Variants in PML observed in about 807,000 individuals in gnomAD.
PML encodes PML nuclear body scaffold, also known as protein PML.
PML carries 28 observed loss-of-function variants against 65.2 expected under a neutral mutation model. That is an observed-to-expected ratio of 0.43 (90% CI 0.32 to 0.59). The LOEUF is 0.59. PML is among the 20% of genes least tolerant of loss of function. The pLI is 0.08. For synonymous variants in PML, 500 were observed against 508.8 expected (o/e 0.98, Z 0.23); for missense variants, 1,021 against 1,203.4 (o/e 0.85, Z 2.24).
Position 74,044,759 on chromosome 15 carries a change from A to G in PML, c.2400A>G (p.Leu800=). The change falls in exon 9 of 9, where the codon CTA becomes CTG. Residue 800 remains leucine (L), a synonymous_variant. Transcript: ENST00000268058. ...GGGCTGAGGCCCGCCTCCTGGCCCT[A>G]CACAACGTGAGCTTCATGGAGCTGC... ...LPRAEARLLA[L]HNVSFMELLS... 6.2e-7 allele frequency: 1 copy of G among 1,612,746 alleles called. No individual in the cohort carries two copies. Among genetic ancestry groups the G allele is most frequent in the Non-Finnish European group, 8.5e-7 (1 of 1,180,002 alleles).
intron 2 of PML, among the ~76,000 whole-genome samples, chr15:74,002,198 A>G (rs1379367617): frequency 7.2e-5 from 11 of 152,056 alleles, no homozygotes. Context: ...ATCTAAGACT[A>G]TATTGAGATT....
At chr15:74,012,179 GC>G (rs1326207333) in intron 2 of PML, among the ~76,000 whole-genome samples, 1 of 152,110 alleles carries the variant, frequency 6.6e-6, no homozygotes, top group African/African-American at 2.4e-5. Context: ...AGAGGTTGGA[GC>G]CATTTTGTTT....
At position 74,034,401 on chromosome 15, in the gene PML, C is replaced by T. The variant is rs113381350; in HGVS notation, c.1658-77C>T. ...CCCAGCCGACTGGCCTGCAAGGATT[C>T]CCATAGGTGCACACCCACACCCCTC... On this transcript the variant is annotated intron_variant, in intron 6 of 8. Transcript: ENST00000268058. 1.9e-6 allele frequency: 3 copies of T among 1,605,246 alleles called. No individual in the cohort carries two copies. The African/African-American group carries it at 4.0e-5, about 21-fold the overall frequency.
intron 6 of PML, chr15:74,033,860 T>C (rs910387076): frequency 1.5e-5 from 7 of 477,476 alleles, no homozygotes; most frequent in Admixed American, 1.1e-4. Context: ...AAGTATCTCA[T>C]TTGTCAGAGT....
At chr15:74,030,145 C>T (rs567968586) in intron 4 of PML, among the ~76,000 whole-genome samples, 1 of 152,276 alleles carries the variant, frequency 6.6e-6, no homozygotes, top group South Asian at 2.1e-4. Context: ...CCCCAGCTTG[C>T]CTGGGTGGTT....
chr15:74,033,202 C>T lies in PML; in HGVS notation c.1445C>T (p.Thr482Ile), dbSNP rs1252189977. The part of the protein sequence containing the change: ...TTAQKRKCSQ[T>I]QCPRKVIKME... ...GCCCAGAAGAGGAAGTGCAGCCAGACCCAGTGCCCCAGGAAGGTCATCAAG... is the reference window on the plus strand; with the variant it reads ...GCCCAGAAGAGGAAGTGCAGCCAGATCCAGTGCCCCAGGAAGGTCATCAAG... Residue 482 changes from threonine to isoleucine, a missense_variant, in exon 6 of 9, where the codon ACC becomes ATC. Transcript: ENST00000268058. The T allele has an allele frequency of 1.2e-6, 2 of 1,614,184 alleles. No individual in the cohort carries two copies. The highest frequency in any genetic ancestry group is 1.7e-4 in the Middle Eastern group (1 of 6,060).
At chr15:74,001,441 G>C (rs2069756845) in intron 2 of PML, among the ~76,000 whole-genome samples, 2 of 152,032 alleles carry the variant, frequency 1.3e-5, no homozygotes, top group South Asian at 4.2e-4. Flanking sequence ...CTGGGTTCAA[G>C]TGATTCTCCT....
chr15:74,011,440 T>C (rs1011957487), intron 2 of PML, among the ~76,000 whole-genome samples: 3 of 152,054 alleles, frequency 2.0e-5, no homozygotes, highest in Middle Eastern at 3.4e-3. Flanking sequence ...TAATACATCT[T>C]AGAAAAAATG....
At chr15:74,008,521 G>A (rs1266063102) in intron 2 of PML, among the ~76,000 whole-genome samples, 5 of 152,216 alleles carry the variant, frequency 3.3e-5, no homozygotes, top group African/African-American at 9.6e-5. Flanking sequence ...GGCAGATCAC[G>A]AGGTCAGGAG....
At chr15:74,009,137 G>A (rs1007664909) in intron 2 of PML, among the ~76,000 whole-genome samples, 3 of 152,212 alleles carry the variant, frequency 2.0e-5, no homozygotes, top group African/African-American at 7.2e-5. Flanking sequence ...CAAGCATGGT[G>A]TGGGTCTAGG....
intron 4 of PML, chr15:74,032,338 C>T (rs909440178): frequency 1.9e-5 from 11 of 567,782 alleles, no homozygotes; most frequent in African/African-American, 5.6e-5. Flanking sequence ...TCAAGACCAG[C>T]GTGGGCAACA....
At chr15:74,016,825 C>CT (rs2070608422) in intron 2 of PML, among the ~76,000 whole-genome samples, 1 of 35,158 alleles carries the variant, frequency 2.8e-5, no homozygotes, top group Admixed American at 3.8e-4. Context: ...GAGATGGAGT[C>CT]TCGCTCTGTC....
chr15:73,999,080 G>C (rs985479150), intron 2 of PML, among the ~76,000 whole-genome samples: 1 of 152,200 alleles, frequency 6.6e-6, no homozygotes, highest in African/African-American at 2.4e-5. Flanking sequence ...AAAGAGGAGA[G>C]AGAGAGTGCA....
chr15:74,043,925 G>C lies in PML; in HGVS notation c.1862-296G>C, dbSNP rs1014272386. Among the ~76,000 whole-genome samples the C allele has an allele frequency of 3.3e-4, 50 of 152,298 alleles. No individual in the cohort carries two copies. Among genetic ancestry groups the C allele is most frequent in the South Asian group, 1.2e-3 (6 of 4,832 alleles). ...GGTGGCTGAGGCTGATAGAAGACAG[G>C]AGGGACCTGTATCCATGGGGTTTGG... is the stretch of plus-strand genomic sequence containing the variant. On this transcript the variant is annotated intron_variant, in intron 8 of 8. Coordinates refer to ENST00000268058, the MANE Select transcript of PML (RefSeq NM_033238.3). This position sits in a 1 kb window ranked among gnomAD's most constrained non-coding sequence, Gnocchi z 4.3.
At chr15:74,015,651 G>T (rs994990261) in intron 2 of PML, among the ~76,000 whole-genome samples, 6 of 152,194 alleles carry the variant, frequency 3.9e-5, no homozygotes, top group African/African-American at 1.4e-4. Context: ...ACATTGACAG[G>T]TTCACCCAAC....
chr15:74,008,950 A>G (rs1183698705), intron 2 of PML, among the ~76,000 whole-genome samples: 1 of 152,216 alleles, frequency 6.6e-6, no homozygotes, highest in African/African-American at 2.4e-5. Context: ...TACTTATCCA[A>G]TAGAAACTGA....
chr15:74,001,495 A>G (rs1375182687), intron 2 of PML, among the ~76,000 whole-genome samples: 2 of 151,978 alleles, frequency 1.3e-5, no homozygotes, highest in African/African-American at 4.8e-5. Flanking sequence ...GCCCACCACC[A>G]TGCCTGGCTA....
At chr15:74,000,208 G>T (rs189531364) in intron 2 of PML, among the ~76,000 whole-genome samples, 16 of 152,290 alleles carry the variant, frequency 1.1e-4, no homozygotes, top group Admixed American at 1.0e-3. Flanking sequence ...GGATCCATGG[G>T]AGTCTGTTTC....
Position 74,035,132 on chromosome 15 carries a change from G to A in PML, c.1710+602G>A. On this transcript the variant is annotated intron_variant, in intron 7 of 8. Transcript: ENST00000268058. This position sits in a 1 kb window ranked among gnomAD's most constrained non-coding sequence, Gnocchi z 4.1. ...AAGGTTGGACTGGGTGGCCCCTGAG[G>A]TCTCTTCCAGCCCTCAGTCTGAGGT... 8.8e-7 allele frequency: 1 copy of A among 1,140,228 alleles called. No individual in the cohort carries two copies. The highest frequency in any genetic ancestry group is 1.3e-6 in the Non-Finnish European group (1 of 750,342). 70.6% of individuals were successfully genotyped at this position (1,140,228 alleles called of 1,614,324 possible). A position where few individuals can be genotyped will look rare whatever the true frequency, so the allele number is the denominator to read the frequency against.
Sources: gnomAD v4.1 joint callset for allele counts (sites outside exome capture counted in the v4.1 genomes callset) on GRCh38, gnomAD v4.1.1 for gene constraint, Gnocchi (gnomAD v3.1) non-coding constraint, MANE v1.5 for transcripts, NCBI Gene and HGNC (gene_info 2026-07-23, HGNC 2026-07-21) for gene names.